PCSK2: variants seen among roughly 807,000 people sequenced by gnomAD.
PCSK2 encodes the protein neuroendocrine convertase 2.
In PCSK2, 14 loss-of-function variants were observed where a neutral mutation model predicts 69.7. The observed-to-expected ratio is 0.20, with a 90% confidence interval of 0.13 to 0.31. The LOEUF is 0.31. Ranked by LOEUF, PCSK2 falls within the 10% of genes least tolerant of loss-of-function variation. The pLI is 1.00. For synonymous variants in PCSK2, 307 were observed against 320.7 expected (o/e 0.96, Z 0.46); for missense variants, 544 against 842.5 (o/e 0.65, Z 4.39).
chr20:17,334,711 C>T (rs1396129308), intron 2 of PCSK2, among the ~76,000 whole-genome samples: 1 of 152,142 alleles, frequency 6.6e-6, no homozygotes, highest in African/African-American at 2.4e-5. Context: ...AAGTAGAAGA[C>T]CTGGAACCAC....
At chr20:17,239,697 A>G (rs766630590) in intron 1 of PCSK2, among the ~76,000 whole-genome samples, 1 of 151,492 alleles carries the variant, frequency 6.6e-6, no homozygotes, top group Non-Finnish European at 1.5e-5. Context: ...TTCAACAAAC[A>G]TATACTGAGT....
intron 5 of PCSK2, among the ~76,000 whole-genome samples, chr20:17,395,636 CA>C (rs2031493726): frequency 1.3e-5 from 2 of 152,106 alleles, no homozygotes; most frequent in Admixed American, 6.6e-5. Context: ...GGGGCTCACA[CA>C]AAATTAATTT....
intron 2 of PCSK2, among the ~76,000 whole-genome samples, chr20:17,303,509 T>TTA (rs1704464438): frequency 2.6e-5 from 1 of 39,000 alleles, no homozygotes; most frequent in South Asian, 5.5e-4. Context: ...TAATATATAT[T>TTA]ATATATAATA....
intron 8 of PCSK2, among the ~76,000 whole-genome samples, chr20:17,451,915 C>CTTTTTTTT (rs34323701): frequency 1.1e-4 from 11 of 101,602 alleles, no homozygotes; most frequent in African/African-American, 1.5e-4. Flanking sequence ...TTGTACTTTG[C>CTTTTTTTT]TTTTTTTTTT....
intron 1 of PCSK2, among the ~76,000 whole-genome samples, chr20:17,255,732 G>A (rs1987154206): frequency 6.6e-6 from 1 of 152,092 alleles, no homozygotes; most frequent in Non-Finnish European, 1.5e-5. Flanking sequence ...TGTGGTTTTT[G>A]TTATTTATTC....
At chr20:17,347,114 C>T (rs1345428879) in intron 2 of PCSK2, among the ~76,000 whole-genome samples, 1 of 152,238 alleles carries the variant, frequency 6.6e-6, no homozygotes, top group Non-Finnish European at 1.5e-5. Context: ...ATGGTCCAAC[C>T]TCTCTAAATG....
rs1310462679 is a variant in PCSK2 at position 17,453,880 on chromosome 20, C to T, written c.1024C>T (p.Leu342=). ...NSAINDGRTA[L]YDESCSSTLA... Reference sequence around the variant, plus strand: ...AGCCATCAACGACGGCAGGACTGCCCTGTACGACGAGAGCTGCTCTTCCAC... The same window carrying T: ...AGCCATCAACGACGGCAGGACTGCCTTGTACGACGAGAGCTGCTCTTCCAC... The change falls in exon 9 of 12, where the codon CTG becomes TTG. Residue 342 remains leucine, a synonymous_variant. Transcript: ENST00000262545. This position sits in a 1 kb window ranked among gnomAD's most constrained non-coding sequence, Gnocchi z 4.0. 6.2e-7 allele frequency: 1 copy of T among 1,614,152 alleles called. No homozygotes were observed. Among genetic ancestry groups the T allele is most frequent in the Non-Finnish European group, 8.5e-7 (1 of 1,180,058 alleles).
intron 2 of PCSK2, among the ~76,000 whole-genome samples, chr20:17,340,736 A>G (rs1402107083): frequency 6.6e-6 from 1 of 152,156 alleles, no homozygotes; most frequent in Non-Finnish European, 1.5e-5. Flanking sequence ...CTGAATCTTC[A>G]GCAGAATGTT....
At chr20:17,318,668 C>T (rs553075386) in intron 2 of PCSK2, among the ~76,000 whole-genome samples, 5 of 152,290 alleles carry the variant, frequency 3.3e-5, no homozygotes, top group African/African-American at 9.6e-5. Context: ...TTCATCTCCA[C>T]GGGGCATTCC....
At position 17,428,718 on chromosome 20, in the gene PCSK2, G is replaced by A. The variant is rs114352265; in HGVS notation, c.621-717G>A. On this transcript the variant is annotated intron_variant, in intron 6 of 11. Coordinates refer to ENST00000262545, the MANE Select transcript of PCSK2 (RefSeq NM_002594.5). ...CCCACCATTAAAATGGACTTTTCTA[G>A]CCACACTCAGCAGCTCACAGCTGTA... 2.9e-3 allele frequency among the ~76,000 whole-genome samples: 434 copies of A among 152,110 alleles called. 3 individuals carry two copies. Among genetic ancestry groups the A allele is most frequent in the African/African-American group, 0.01 (416 of 41,488 alleles).
intron 6 of PCSK2, among the ~76,000 whole-genome samples, chr20:17,411,336 C>T (rs1336384634): frequency 6.6e-6 from 1 of 152,250 alleles, no homozygotes; most frequent in Non-Finnish European, 1.5e-5. Flanking sequence ...AAATACTGTG[C>T]TTTTCCCATG....
chr20:17,268,031 G>GTGTATATATATATA (rs142447517), intron 2 of PCSK2, among the ~76,000 whole-genome samples: 1 of 117,900 alleles, frequency 8.5e-6, no homozygotes, highest in Admixed American at 8.5e-5. Flanking sequence ...TATATCCAAT[G>GTGTATATATATATA]TGTATATATA....
chr20:17,226,661 C>T (rs900845499), upstream of PCSK2, among the ~76,000 whole-genome samples: 2 of 151,988 alleles, frequency 1.3e-5, no homozygotes, highest in African/African-American at 4.8e-5. Flanking sequence ...TTCCCAGAGC[C>T]TACAGATTCC....
intron 2 of PCSK2, among the ~76,000 whole-genome samples, chr20:17,334,362 G>T (rs1200362699): frequency 6.6e-6 from 1 of 152,130 alleles, no homozygotes; most frequent in East Asian, 1.9e-4. Context: ...CACTGGAAAT[G>T]AGCATGGTAC....
At chr20:17,371,230 C>T (rs534245017) in intron 5 of PCSK2, among the ~76,000 whole-genome samples, 87 of 152,228 alleles carry the variant, frequency 5.7e-4, no homozygotes, top group Non-Finnish European at 9.8e-4. Flanking sequence ...GCATCCTTCC[C>T]TTCTCCCTGC....
rs1198527271 is a variant in PCSK2, at chr20:17,483,916, G to A, written c.*1846G>A. ...TGCACACAGAAATATATATACATAT[G>A]TAGACTATATACATGTGTGTATATA... is the stretch of plus-strand genomic sequence containing the variant. On this transcript the variant is annotated 3_prime_UTR_variant, in exon 12 of 12. Coordinates refer to ENST00000262545, the MANE Select transcript of PCSK2 (RefSeq NM_002594.5). 8 of 152,502 alleles carry A rather than the reference G, an allele frequency of 5.2e-5. 1 individual carries two copies. The highest frequency in any genetic ancestry group is 1.0e-4 in the Non-Finnish European group (7 of 68,014). The allele number at this position is 152,502 out of a possible 1,614,324, so 9.4% of individuals were successfully genotyped here.
chr20:17,322,658 G>A (rs895607004), intron 2 of PCSK2, among the ~76,000 whole-genome samples: 1 of 152,160 alleles, frequency 6.6e-6, no homozygotes, highest in Non-Finnish European at 1.5e-5. Context: ...TCTGTCAGGA[G>A]CCCAGTCTCT....
chr20:17,335,142 G>T (rs541941187), intron 2 of PCSK2, among the ~76,000 whole-genome samples: 29 of 152,174 alleles, frequency 1.9e-4, no homozygotes, highest in African/African-American at 7.0e-4. Flanking sequence ...GGAAGGGCTT[G>T]CGGTTCCCAC....
At chr20:17,387,558 A>G (rs1373608858) in intron 5 of PCSK2, among the ~76,000 whole-genome samples, 1 of 152,210 alleles carries the variant, frequency 6.6e-6, no homozygotes, top group South Asian at 2.1e-4. Context: ...GAGCATCCTC[A>G]TGACATGATA....
Sources: allele counts gnomAD v4.1 joint callset (sites outside exome capture counted in the v4.1 genomes callset), GRCh38; gene constraint gnomAD v4.1.1; non-coding constraint Gnocchi (gnomAD v3.1); transcripts MANE v1.5; gene names NCBI Gene and HGNC (gene_info 2026-07-23, HGNC 2026-07-21).